GNAS: variants seen among roughly 807,000 people sequenced by gnomAD.
GNAS encodes the protein protein ALEX.
GNAS carries 8 observed loss-of-function variants against 54.5 expected under a neutral mutation model. The observed-to-expected ratio is 0.15, with a 90% CI of 0.09 to 0.26. The LOEUF is 0.26. GNAS is among the 10% of genes least tolerant of loss of function. The pLI is 1.00. For synonymous variants in GNAS, 204 were observed against 191.4 expected (o/e 1.07, Z -0.54); for missense variants, 170 against 529.8 (o/e 0.32, Z 6.67).
intron 6 of GNAS, among the ~76,000 whole-genome samples, chr20:58,905,757 G>T (rs1297925533): frequency 1.3e-5 from 2 of 152,164 alleles, no homozygotes; most frequent in Admixed American, 1.3e-4. Flanking sequence ...TTCCTAATTA[G>T]TAGGAAGTAA....
upstream of GNAS, chr20:58,891,291 C>T (rs577404239): frequency 0.023 from 3,356 of 146,980 alleles, 109 homozygotes; most frequent in African/African-American, 0.067. Flanking sequence ...CCTCCTCCTC[C>T]TTCCACCCCC....
intron 1 of GNAS, among the ~76,000 whole-genome samples, chr20:58,845,406 A>G (rs76533362): frequency 6.6e-6 from 1 of 152,148 alleles, no homozygotes; most frequent in African/African-American, 2.4e-5. Context: ...TACCATGGAC[A>G]TACAGCTAGA....
rs774697235 is a variant in GNAS, at chr20:58,909,145, C to G, written c.531-17C>G. ...TGAGCGCTGTGAACACCCCACGTGT[C>G]TTTCTTTTTCTCCCAGCTTCCTGGA... On this transcript the variant is annotated splice_polypyrimidine_tract_variant and intron_variant, in intron 6 of 12. Transcript: ENST00000371085. The surrounding 1 kb of genome is among the most constrained non-coding windows in gnomAD (Gnocchi z 7.3). The G allele has an allele frequency of 2.5e-6, 4 of 1,604,448 alleles. No homozygotes were observed. The highest frequency in any genetic ancestry group is 3.4e-6 in the Non-Finnish European group (4 of 1,171,484).
At chr20:58,839,971 A>T (rs2085656494), upstream of GNAS, 1 of 864,492 alleles carries the variant, frequency 1.2e-6, no homozygotes, top group East Asian at 2.5e-5. Flanking sequence ...CCTCACAAGG[A>T]GGTGAGGCTG....
At chr20:58,890,422 G>A, upstream of GNAS, among the ~76,000 whole-genome samples, 1 of 151,918 alleles carries the variant, frequency 6.6e-6, no homozygotes, top group South Asian at 2.1e-4. Context: ...CGCGTTGGGG[G>A]CATCGTGTGG....
upstream of GNAS, chr20:58,889,211 C>T (rs970859176): frequency 7.6e-5 from 90 of 1,191,440 alleles, no homozygotes; most frequent in East Asian, 3.1e-3. Flanking sequence ...CGGGCTGCGT[C>T]AGGTGGCTGG....
At chr20:58,872,426 C>T (rs1291244115) in intron 1 of GNAS, among the ~76,000 whole-genome samples, 1 of 152,084 alleles carries the variant, frequency 6.6e-6, no homozygotes, top group African/African-American at 2.4e-5. Context: ...TAAAAGTGAG[C>T]ATCCTATAAG....
In GNAS at chr20:58,840,974, G is replaced by C. The variant is rs6100246; in HGVS notation, c.43+88G>C. The C allele has an allele frequency of 7.2e-7, 1 of 1,387,864 alleles. No homozygotes were observed. Among genetic ancestry groups the C allele is most frequent in the East Asian group, 2.4e-5 (1 of 40,878 alleles). 86.0% of individuals were successfully genotyped at this position (1,387,864 alleles called of 1,614,324 possible). A position where few individuals can be genotyped will look rare whatever the true frequency, so the allele number is the denominator to read the frequency against. On this transcript the variant is annotated intron_variant, in intron 1 of 12. Transcript: ENST00000306090. This position sits in a 1 kb window ranked among gnomAD's most constrained non-coding sequence, Gnocchi z 6.0. ...GGAGGTGAGAAGGAAAGGCAGGTCA[G>C]GGGCGAGTGGGAAGAGAGGAGGCTC...
chr20:58,840,451 C>G (rs781674491), upstream of GNAS: 3 of 1,613,288 alleles, frequency 1.9e-6, no homozygotes, highest in Admixed American at 1.7e-5. This position sits in a 1 kb window ranked among gnomAD's most constrained non-coding sequence, Gnocchi z 6.0. Flanking sequence ...AGAGCGAGAC[C>G]GAGTCCGAAA....
intron 1 of GNAS, among the ~76,000 whole-genome samples, chr20:58,847,280 G>C (rs980586868): frequency 8.6e-5 from 13 of 151,554 alleles, no homozygotes; most frequent in Middle Eastern, 3.2e-3. Context: ...CTCTAACCTG[G>C]TATCTTGCCT....
chr20:58,882,135 C>G (rs1369483685), intron 1 of GNAS, among the ~76,000 whole-genome samples: 3 of 152,216 alleles, frequency 2.0e-5, no homozygotes. Context: ...GTGGCGCGAT[C>G]TCGGCTCACT....
intron 1 of GNAS, among the ~76,000 whole-genome samples, chr20:58,870,195 T>A (rs956489779): frequency 6.6e-6 from 1 of 152,252 alleles, no homozygotes; most frequent in Admixed American, 6.5e-5. Context: ...ACAGGGTTGA[T>A]TTAAGGTAAA....
intron 1 of GNAS, among the ~76,000 whole-genome samples, chr20:58,851,315 G>A (rs1203363873): frequency 6.6e-6 from 1 of 152,168 alleles, no homozygotes; most frequent in African/African-American, 2.4e-5. Context: ...AGACTAAACG[G>A]GATCGCAACT....
chr20:58,859,054 A>T (rs1224257075), intron 1 of GNAS, among the ~76,000 whole-genome samples: 1 of 152,194 alleles, frequency 6.6e-6, no homozygotes, highest in Non-Finnish European at 1.5e-5. Context: ...ATTTACCCCC[A>T]TTATTTACAA....
upstream of GNAS, among the ~76,000 whole-genome samples, chr20:58,887,342 A>G (rs1224573750): frequency 1.3e-5 from 2 of 152,232 alleles, no homozygotes; most frequent in Non-Finnish European, 2.9e-5. Flanking sequence ...AGTCTTTAAC[A>G]ATTTTTAAAA....
chr20:58,897,489 T>TA (rs910254203), intron 2 of GNAS: 1 of 152,256 alleles, frequency 6.6e-6, no homozygotes, highest in South Asian at 2.1e-4. Flanking sequence ...CAGCAGCCAC[T>TA]GTTTACCTTA....
At chr20:58,854,874 G>A in intron 1 of GNAS, 1 of 1,595,066 alleles carries the variant, frequency 6.3e-7, no homozygotes, top group Non-Finnish European at 8.5e-7. Context: ...CGAGATCCAG[G>A]CTGCCGATCC....
Position 58,853,492 on chromosome 20 carries a change from C to G in GNAS, c.43+12606C>G, listed in dbSNP as rs1016401478. 3 of 1,613,050 alleles carry G rather than the reference C, an allele frequency of 1.9e-6. No individual in the cohort carries two copies. In the African/African-American group the frequency reaches 4.0e-5, roughly 22 times the overall value. ...TGTGGACCCCCAGAGGTCTCCAGAC[C>G]CAACTTTCAGGTCCTCAACCCGGCA... is the stretch of plus-strand genomic sequence containing the variant. On this transcript the variant is annotated intron_variant, in intron 1 of 12. Coordinates refer to the GNAS transcript ENST00000306090. The surrounding 1 kb of genome is among the most constrained non-coding windows in gnomAD (Gnocchi z 4.4).
chr20:58,880,908 C>G (rs1434564577), intron 1 of GNAS, among the ~76,000 whole-genome samples: 4 of 152,140 alleles, frequency 2.6e-5, no homozygotes, highest in African/African-American at 4.8e-5. Context: ...ACCCAATAAA[C>G]TGAGTGGATG....
Sources: gnomAD v4.1 joint callset for allele counts (sites outside exome capture counted in the v4.1 genomes callset) on GRCh38, gnomAD v4.1.1 for gene constraint, Gnocchi (gnomAD v3.1) non-coding constraint, MANE v1.5 for transcripts, NCBI Gene and HGNC (gene_info 2026-07-23, HGNC 2026-07-21) for gene names.